TNKS2: variants seen among roughly 807,000 people sequenced by gnomAD.
TNKS2 encodes the protein tankyrase 2, also known as poly [ADP-ribose] polymerase tankyrase-2.
In TNKS2, 72 loss-of-function variants were observed where a neutral mutation model predicts 137.6. The observed-to-expected ratio is 0.52, with a 90% CI of 0.43 to 0.64. The LOEUF (loss-of-function observed/expected upper bound fraction) is 0.64. Among genes scored for constraint, TNKS2 ranks in the 30% least tolerant of loss-of-function variants. The probability of loss-of-function intolerance (pLI) is 0.00; values close to 1 mark genes in which losing one functional copy is unlikely to be tolerated. For synonymous variants in TNKS2, 516 were observed against 512.1 expected (o/e 1.01, Z -0.10); for missense variants, 1,049 against 1,410.2 (o/e 0.74, Z 4.10).
At chr10:91,843,493 G>A (rs1842275473) in intron 16 of TNKS2, among the ~76,000 whole-genome samples, 2 of 152,154 alleles carry the variant, frequency 1.3e-5, no homozygotes, top group African/African-American at 4.8e-5. Flanking sequence ...ACTGGGGTTA[G>A]GGCTTCAACA....
intron 21 of TNKS2, among the ~76,000 whole-genome samples, chr10:91,852,372 A>G (rs1314690869): frequency 6.6e-6 from 1 of 151,526 alleles, no homozygotes; most frequent in Non-Finnish European, 1.5e-5. Flanking sequence ...CCTGGCTAAC[A>G]TGGTGAAACC....
intron 5 of TNKS2, 71 bp from the exon 6 acceptor site, chr10:91,819,868 G>GT: frequency 7.8e-7 from 1 of 1,275,794 alleles, no homozygotes; most frequent in South Asian, 1.6e-5. Context: ...TTATATTTGG[G>GT]TTTTTTCCCT....
Position 91,839,110 on chromosome 10 carries a change from A to C in TNKS2, c.1528-1451A>C, listed in dbSNP as rs541306868. ...TCGAACTCCTGACCTCAGGTGATCC[A>C]CCCGCCTGGCCTCCCAACGTGCTGG... On this transcript the variant is annotated intron_variant, in intron 13 of 26. Coordinates refer to ENST00000371627, the MANE Select transcript of TNKS2 (RefSeq NM_025235.4). Among the ~76,000 whole-genome samples the C allele has an allele frequency of 2.7e-3, 408 of 151,828 alleles. 1 individual carries two copies. The highest frequency in any genetic ancestry group is 4.6e-3 in the Non-Finnish European group (309 of 67,900).
At position 91,812,975 on chromosome 10, in the gene TNKS2, T is replaced by C. The variant is rs749592774; in HGVS notation, c.200-8T>C. ...GAACTTACGTGTGGACAATTTGTTT[T>C]CATCTAGGTTTTGGGCGGAAAGACG... On this transcript the variant is annotated splice_polypyrimidine_tract_variant and splice_region_variant and intron_variant, in intron 1 of 26. Coordinates refer to ENST00000371627, the MANE Select transcript of TNKS2 (RefSeq NM_025235.4). 5.6e-6 allele frequency: 9 copies of C among 1,613,624 alleles called. No individual in the cohort carries two copies. Among genetic ancestry groups the C allele is most frequent in the Non-Finnish European group, 7.6e-6 (9 of 1,179,646 alleles).
At chr10:91,800,103 T>C (rs553215633) in intron 1 of TNKS2, among the ~76,000 whole-genome samples, 23 of 152,280 alleles carry the variant, frequency 1.5e-4, no homozygotes, top group East Asian at 3.9e-4. Flanking sequence ...TGGATTTCCA[T>C]TGGGGAGTCT....
chr10:91,863,789 A>C lies in TNKS2; in HGVS notation c.*790A>C, dbSNP rs1461313411. ...TTACTGGCCTCAATTTCTAGCTTTC[A>C]TGTTGGAAAATTTTCTGCAGTCCTT... On this transcript the variant is annotated 3_prime_UTR_variant, in exon 27 of 27. Coordinates refer to ENST00000371627, the MANE Select transcript of TNKS2 (RefSeq NM_025235.4). The C allele has an allele frequency of 1.3e-5, 2 of 152,122 alleles. No individual in the cohort carries two copies. Among genetic ancestry groups the C allele is most frequent in the African/African-American group, 4.8e-5 (2 of 41,430 alleles). The allele number at this position is 152,122 out of a possible 1,614,324, so 9.4% of individuals were successfully genotyped here. A position where few individuals can be genotyped will look rare whatever the true frequency, so the allele number is the denominator to read the frequency against.
chr10:91,809,810 A>G (rs1844441867), intron 1 of TNKS2, among the ~76,000 whole-genome samples: 1 of 152,134 alleles, frequency 6.6e-6, no homozygotes. Flanking sequence ...TCTTTCTTTA[A>G]AGAAAAAAAA....
At chr10:91,815,699 T>C (rs1461790120) in intron 2 of TNKS2, among the ~76,000 whole-genome samples, 2 of 152,124 alleles carry the variant, frequency 1.3e-5, no homozygotes, top group Non-Finnish European at 2.9e-5. Context: ...GAACTGTTTC[T>C]TTTTTTCATG....
In TNKS2 at chr10:91,827,934, A is replaced by G. The variant is rs544591318; in HGVS notation, c.983-351A>G. Among the ~76,000 whole-genome samples, 4 of 152,296 alleles carry G rather than the reference A, an allele frequency of 2.6e-5. No individual in the cohort carries two copies. The East Asian group carries it at 7.7e-4, about 29-fold the overall frequency. Reference sequence around the variant, plus strand: ...AGAGATCACTATTTCTTTACAGAGAAAAATTTTTGTGCTTGAAATATTCTA... The same window carrying G: ...AGAGATCACTATTTCTTTACAGAGAGAAATTTTTGTGCTTGAAATATTCTA... On this transcript the variant is annotated intron_variant, in intron 8 of 26. Coordinates refer to ENST00000371627, the MANE Select transcript of TNKS2 (RefSeq NM_025235.4).
At chr10:91,823,462 G>A (rs1203372050) in intron 7 of TNKS2, among the ~76,000 whole-genome samples, 1 of 151,448 alleles carries the variant, frequency 6.6e-6, no homozygotes, top group Non-Finnish European at 1.5e-5. Context: ...CAAGTACCTG[G>A]GATTACAGGT....
At chr10:91,799,173 A>G (rs934062660) in intron 1 of TNKS2, among the ~76,000 whole-genome samples, 2 of 152,254 alleles carry the variant, frequency 1.3e-5, no homozygotes, top group East Asian at 1.9e-4. Flanking sequence ...CAATACCTGT[A>G]CCAACTTCCG....
rs79902623 is a variant in TNKS2, at chr10:91,802,769, C to G, written c.199+3880C>G. 4.5e-3 allele frequency among the ~76,000 whole-genome samples: 683 copies of G among 152,296 alleles called. 9 individuals are homozygous for G. Among genetic ancestry groups the G allele is most frequent in the African/African-American group, 0.016 (648 of 41,550 alleles). Reference sequence around the variant, plus strand: ...TTACAAGAGATGCACAAAATTTATCCAACACTCTTCACCTAGAACTACAGT... The same window carrying G: ...TTACAAGAGATGCACAAAATTTATCGAACACTCTTCACCTAGAACTACAGT... On this transcript the variant is annotated intron_variant, in intron 1 of 26. Coordinates refer to ENST00000371627, the MANE Select transcript of TNKS2 (RefSeq NM_025235.4).
chr10:91,851,318 C>T lies in TNKS2; in HGVS notation c.2797C>T (p.Leu933Phe), dbSNP rs1309234556. 11 of 1,607,900 alleles carry T rather than the reference C, an allele frequency of 6.8e-6. No homozygotes were observed. The highest frequency in any genetic ancestry group is 8.5e-6 in the Non-Finnish European group (10 of 1,178,666). Residue 933 changes from leucine (L) to phenylalanine (F), a missense_variant, in exon 21 of 27, where the codon CTT becomes TTT. Leu to Phe is a conservative substitution (Grantham distance 22, BLOSUM62 0). Around this residue, in one of 6 missense-constraint regions of TNKS2, gnomAD observed 208 missense variants for 231.2 expected, o/e 0.90. Coordinates refer to ENST00000371627, the MANE Select transcript of TNKS2 (RefSeq NM_025235.4). ...CAAACTAATTAAAGGAGTCGAGAGACTTATCTCCGGACAACAAGGTATTTT... is the reference window on the plus strand; with the variant it reads ...CAAACTAATTAAAGGAGTCGAGAGATTTATCTCCGGACAACAAGGTATTTT... Reference protein sequence around the residue: ...RHKLIKGVERLISGQQGLNPY... With the variant: ...RHKLIKGVERFISGQQGLNPY...
chr10:91,825,814 A>T (rs1845049879), intron 7 of TNKS2, among the ~76,000 whole-genome samples: 1 of 152,236 alleles, frequency 6.6e-6, no homozygotes, highest in East Asian at 1.9e-4. Flanking sequence ...GTTAGCAAGG[A>T]TATGTAGCAA....
At chr10:91,829,423 GT>G (rs60914652) in intron 9 of TNKS2, among the ~76,000 whole-genome samples, 9,568 of 152,136 alleles carry the variant, frequency 0.063, 979 homozygotes, top group African/African-American at 0.22. Context: ...GAAGCAACTC[GT>G]TTTTGTAATT....
chr10:91,814,053 GT>G (rs1245999351), intron 2 of TNKS2, among the ~76,000 whole-genome samples: 2 of 152,024 alleles, frequency 1.3e-5, no homozygotes, highest in Non-Finnish European at 2.9e-5. Flanking sequence ...AAAGTTAACT[GT>G]AAAACAGCCT....
At chr10:91,857,686 C>T (rs1056382001) in intron 24 of TNKS2, among the ~76,000 whole-genome samples, 156 bp downstream of exon 24, 1 of 152,146 alleles carries the variant, frequency 6.6e-6, no homozygotes, top group Non-Finnish European at 1.5e-5. Flanking sequence ...TTTTCAACTT[C>T]TTTTGAATTT....
chr10:91,837,023 T>C, intron 13 of TNKS2, 25 bp downstream of exon 13: 1 of 1,607,260 alleles, frequency 6.2e-7, no homozygotes, highest in Non-Finnish European at 8.5e-7. Flanking sequence ...TACGTTTCTG[T>C]TAACTTTGGG....
At chr10:91,857,176 ATTAACAGTATTCCTGACC>A (rs1842730317) in intron 23 of TNKS2, among the ~76,000 whole-genome samples, 1 of 152,218 alleles carries the variant, frequency 6.6e-6, no homozygotes, top group African/African-American at 2.4e-5. Context: ...GTTTTAATAA[ATTAACAGTATTCCTGACC>A]TTCACATATG....
Sources: allele counts gnomAD v4.1 joint callset (sites outside exome capture counted in the v4.1 genomes callset), GRCh38; gene constraint gnomAD v4.1.1; regional missense constraint gnomAD v4.1.1; transcripts MANE v1.5; gene names NCBI Gene and HGNC (gene_info 2026-07-23, HGNC 2026-07-21).